Variants in RBPMS observed in about 807,000 individuals in gnomAD.
The protein encoded by RBPMS is RNA binding protein, mRNA processing factor.
In RBPMS, 7 loss-of-function variants were observed where a neutral mutation model predicts 26.8. The observed-to-expected ratio is 0.26, with a 90% CI of 0.15 to 0.49. The LOEUF (loss-of-function observed/expected upper bound fraction) is 0.49, where lower values mean the gene tolerates loss of function less well. RBPMS is among the 20% of genes least tolerant of loss of function. The pLI, the probability that RBPMS is intolerant of heterozygous loss-of-function variation, is 0.98. For missense variants in RBPMS, 186 were observed against 250.0 expected (o/e 0.74, Z 1.73); for synonymous variants, 96 against 93.3 (o/e 1.03, Z -0.17).
chr8:30,571,919 ATT>A lies in RBPMS; in HGVS notation c.*1395_*1396del, dbSNP rs1828267756. ...TTATGTTGAAAATTTCAATGTCATG[ATT>A]ACCTGGTTGGTTTGGGTTTTTGTTT... On this transcript the variant is annotated 3_prime_UTR_variant, in exon 9 of 9. Coordinates refer to ENST00000397323, the MANE Select transcript of RBPMS (RefSeq NM_001008710.3). 1 of 152,192 alleles carries A rather than the reference ATT, an allele frequency of 6.6e-6. No homozygotes were observed. The highest frequency in any genetic ancestry group is 2.1e-4 in the South Asian group (1 of 4,830). 9.4% of individuals were successfully genotyped at this position (152,192 alleles called of 1,614,324 possible).
intron 1 of RBPMS, among the ~76,000 whole-genome samples, chr8:30,448,279 A>G (rs1335457061): frequency 6.6e-6 from 1 of 152,204 alleles, no homozygotes; most frequent in African/African-American, 2.4e-5. Flanking sequence ...TGCCCTTAAC[A>G]TTAAGCATGT....
At chr8:30,461,691 G>A (rs956500177) in intron 1 of RBPMS, among the ~76,000 whole-genome samples, 2 of 152,088 alleles carry the variant, frequency 1.3e-5, no homozygotes, top group Admixed American at 6.6e-5. Context: ...CACCGCACCC[G>A]GCCTCATGTA....
At chr8:30,419,643 A>G (rs553225074) in intron 1 of RBPMS, among the ~76,000 whole-genome samples, 38 of 152,234 alleles carry the variant, frequency 2.5e-4, no homozygotes, top group African/African-American at 7.9e-4. Flanking sequence ...CATGAGTATT[A>G]AAAATGTTTT....
intron 5 of RBPMS, among the ~76,000 whole-genome samples, chr8:30,538,833 C>A (rs1825086212): frequency 6.6e-6 from 1 of 152,148 alleles, no homozygotes; most frequent in African/African-American, 2.4e-5. Context: ...TCTGCAAAGA[C>A]CCTGTTTCCA....
chr8:30,514,680 CTT>C (rs577244764), intron 5 of RBPMS, among the ~76,000 whole-genome samples: 29 of 82,652 alleles, frequency 3.5e-4, no homozygotes, highest in South Asian at 1.6e-3. Context: ...CCATGCCGGG[CTT>C]TTTTTTTTTT....
At chr8:30,417,030 C>A (rs1430631799) in intron 1 of RBPMS, among the ~76,000 whole-genome samples, 1 of 152,206 alleles carries the variant, frequency 6.6e-6, no homozygotes, top group East Asian at 1.9e-4. Context: ...CTTGGCCTTC[C>A]AAAGTACTGG....
chr8:30,470,494 G>T (rs4733186), intron 1 of RBPMS, among the ~76,000 whole-genome samples: 1 of 151,972 alleles, frequency 6.6e-6, no homozygotes, highest in African/African-American at 2.4e-5. Flanking sequence ...AAACTTGCTT[G>T]ATGACTTTCC....
At chr8:30,536,470 G>GTTT (rs1375310049) in intron 5 of RBPMS, among the ~76,000 whole-genome samples, 6 of 152,058 alleles carry the variant, frequency 3.9e-5, no homozygotes, top group African/African-American at 1.4e-4. Context: ...TACCCAAGCA[G>GTTT]CAATTTCAAT....
At chr8:30,530,775 T>A (rs1824130024) in intron 5 of RBPMS, among the ~76,000 whole-genome samples, 1 of 152,082 alleles carries the variant, frequency 6.6e-6, no homozygotes, top group Non-Finnish European at 1.5e-5. Context: ...CATGGGAAGT[T>A]TTCTTAAACC....
intron 5 of RBPMS, among the ~76,000 whole-genome samples, chr8:30,526,879 G>A (rs1823642107): frequency 6.6e-6 from 1 of 152,156 alleles, no homozygotes; most frequent in South Asian, 2.1e-4. Flanking sequence ...AAAGAACTCA[G>A]CAACAGATTT....
intron 1 of RBPMS, among the ~76,000 whole-genome samples, chr8:30,473,173 C>G (rs1817321008): frequency 6.6e-6 from 1 of 152,150 alleles, no homozygotes; most frequent in Non-Finnish European, 1.5e-5. Context: ...GTGTTTGACC[C>G]TAAGCTTCTT....
In RBPMS at chr8:30,566,298, A is replaced by G; in HGVS notation, c.*49A>G. The stretch of plus-strand genomic sequence containing the variant: ...GGCGGCTGCAATCTGTCTTGTGGGT[A>G]TTAATGCAATCTTCAGTGGTGGCTA... On this transcript the variant is annotated 3_prime_UTR_variant, in exon 8 of 9. Coordinates refer to ENST00000397323, the MANE Select transcript of RBPMS (RefSeq NM_001008710.3). The G allele has an allele frequency of 1.0e-6, 1 of 985,936 alleles. No individual in the cohort carries two copies. Among genetic ancestry groups the G allele is most frequent in the Non-Finnish European group, 1.2e-6 (1 of 829,988 alleles). The allele number at this position is 985,936 out of a possible 1,614,324, so 61.1% of individuals were successfully genotyped here. A position where few individuals can be genotyped will look rare whatever the true frequency, so the allele number is the denominator to read the frequency against.
chr8:30,568,793 G>A (rs1172759642), intron 8 of RBPMS, among the ~76,000 whole-genome samples: 1 of 152,126 alleles, frequency 6.6e-6, no homozygotes, highest in Non-Finnish European at 1.5e-5. Flanking sequence ...TCCGCTCCTA[G>A]CTAAACCTCC....
At chr8:30,556,035 C>T (rs1826874508) in intron 6 of RBPMS, 1 of 985,352 alleles carries the variant, frequency 1.0e-6, no homozygotes, top group Admixed American at 6.1e-5. Flanking sequence ...CTGCTGGAAG[C>T]TGGGCGCAGC....
At chr8:30,412,335 G>T (rs1809540395) in intron 1 of RBPMS, among the ~76,000 whole-genome samples, 1 of 152,214 alleles carries the variant, frequency 6.6e-6, no homozygotes, top group African/African-American at 2.4e-5. Context: ...GTCCACTGAG[G>T]CTGAGGGACC....
intron 5 of RBPMS, among the ~76,000 whole-genome samples, chr8:30,530,765 C>T (rs1266779704): frequency 6.6e-6 from 1 of 152,054 alleles, no homozygotes; most frequent in Non-Finnish European, 1.5e-5. Flanking sequence ...CCTGGCCATT[C>T]ATGGGAAGTT....
In RBPMS at chr8:30,550,130, G is replaced by A. The variant is rs528487888; in HGVS notation, c.528+5506G>A. 4.6e-5 allele frequency among the ~76,000 whole-genome samples: 7 copies of A among 152,266 alleles called. No individual in the cohort carries two copies. In the East Asian group the frequency reaches 5.8e-4, roughly 13 times the overall value. Reference sequence around the variant, plus strand: ...CTCCCAAAGTGCTGGGATTACAAGCGCCTGGGGGCGATTTCTATGCCTGCC... The same window carrying A: ...CTCCCAAAGTGCTGGGATTACAAGCACCTGGGGGCGATTTCTATGCCTGCC... On this transcript the variant is annotated intron_variant, in intron 6 of 8. Transcript: ENST00000397323.
At chr8:30,442,080 G>A (rs1198599886) in intron 1 of RBPMS, among the ~76,000 whole-genome samples, 1 of 152,056 alleles carries the variant, frequency 6.6e-6, no homozygotes, top group East Asian at 1.9e-4. Context: ...GAGCCACCGC[G>A]CCCGGCCTAT....
chr8:30,518,715 T>TTTTTTTTTTTTTTTTC (rs1554533805), intron 5 of RBPMS, among the ~76,000 whole-genome samples: 2 of 129,924 alleles, frequency 1.5e-5, no homozygotes, highest in African/African-American at 6.5e-5. Flanking sequence ...TTTTTTTTTT[T>TTTTTTTTTTTTTTTTC]CTGAAAAGGA....
Sources: allele counts gnomAD v4.1 joint callset (sites outside exome capture counted in the v4.1 genomes callset), GRCh38; gene constraint gnomAD v4.1.1; transcripts MANE v1.5; gene names NCBI Gene and HGNC (gene_info 2026-07-23, HGNC 2026-07-21).